GPHN: variants seen among roughly 807,000 people sequenced by gnomAD.
GPHN encodes gephyrin.
Under a neutral mutation model 95.5 loss-of-function variants are expected in GPHN, and 17 were observed. The ratio of observed to expected loss-of-function variants is 0.18; its 90% CI spans 0.12 to 0.27. GPHN has a LOEUF of 0.27. GPHN is among the 10% of genes least tolerant of loss of function. The pLI is 1.00. For missense variants in GPHN, 660 were observed against 978.1 expected (o/e 0.67, Z 4.34); for synonymous variants, 320 against 322.5 (o/e 0.99, Z 0.08).
the GPHN span, among the ~76,000 whole-genome samples, chr14:67,543,085 CTTAAAA>C: frequency 2.6e-5 from 4 of 152,202 alleles, no homozygotes; most frequent in East Asian, 3.8e-4. Context: ...AAGACCTGCA[CTTAAAA>C]TTAAGTGAAT....
the GPHN span, among the ~76,000 whole-genome samples, chr14:67,612,153 GC>G: frequency 6.6e-6 from 1 of 152,168 alleles, no homozygotes. Flanking sequence ...TCGCTTGCTT[GC>G]CCACCTGCTA....
At chr14:67,106,655 G>T (rs752177250) in intron 13 of GPHN, among the ~76,000 whole-genome samples, 1 of 151,894 alleles carries the variant, frequency 6.6e-6, no homozygotes, top group African/African-American at 2.4e-5. Context: ...TTTCTGTTTG[G>T]TTCTTTTTTA....
At chr14:67,425,129 G>A in the GPHN span, among the ~76,000 whole-genome samples, 1 of 152,098 alleles carries the variant, frequency 6.6e-6, no homozygotes, top group East Asian at 1.9e-4. Flanking sequence ...CTGTTGCCCA[G>A]GCTGGAATGC....
At chr14:66,581,700 T>G (rs1383701423) in intron 1 of GPHN, among the ~76,000 whole-genome samples, 7 of 151,862 alleles carry the variant, frequency 4.6e-5, no homozygotes, top group Admixed American at 2.0e-4. Context: ...AGGATAGAAG[T>G]AGATAATCCA....
the GPHN span, among the ~76,000 whole-genome samples, chr14:67,460,756 T>C: frequency 6.6e-6 from 1 of 152,162 alleles, no homozygotes; most frequent in Non-Finnish European, 1.5e-5. Context: ...AGGATATTCA[T>C]AGATTTCTGT....
the GPHN span, chr14:67,705,977 A>G: frequency 1.3e-5 from 2 of 152,236 alleles, no homozygotes; most frequent in Admixed American, 6.5e-5. Context: ...GCATGTGCCT[A>G]TAGTTCCAGT....
At chr14:67,582,273 G>T in the GPHN span, 1 of 1,610,112 alleles carries the variant, frequency 6.2e-7, no homozygotes, top group African/African-American at 1.3e-5. The surrounding 1 kb of genome is among the most constrained non-coding windows in gnomAD (Gnocchi z 5.0). Context: ...GCACCATGCA[G>T]CCTGAAACAC....
chr14:67,198,675 G>A, the GPHN span, among the ~76,000 whole-genome samples: 1 of 152,164 alleles, frequency 6.6e-6, no homozygotes, highest in Non-Finnish European at 1.5e-5. Flanking sequence ...GAACATCTAT[G>A]ACTAGGGATT....
intron 3 of GPHN, among the ~76,000 whole-genome samples, chr14:66,787,574 A>G (rs2059820975): frequency 6.6e-6 from 1 of 152,220 alleles, no homozygotes; most frequent in African/African-American, 2.4e-5. Flanking sequence ...ACCCAATGAA[A>G]GTTTCATTCT....
intron 2 of GPHN, among the ~76,000 whole-genome samples, chr14:66,770,760 A>G (rs1022946626): frequency 6.6e-6 from 1 of 152,216 alleles, no homozygotes; most frequent in Non-Finnish European, 1.5e-5. Context: ...ATCCAAAAAT[A>G]TTAATATTGA....
the GPHN span, chr14:67,649,870 G>C: frequency 6.6e-6 from 1 of 152,108 alleles, no homozygotes; most frequent in African/African-American, 2.4e-5. Flanking sequence ...CCTTCATCCA[G>C]AATAACCAAC....
chr14:67,696,495 T>C, the GPHN span, among the ~76,000 whole-genome samples: 1 of 152,206 alleles, frequency 6.6e-6, no homozygotes, highest in African/African-American at 2.4e-5. Flanking sequence ...CTTTATTGTG[T>C]CTATCTTGAA....
intron 2 of GPHN, among the ~76,000 whole-genome samples, chr14:66,683,793 C>T (rs962575246): frequency 6.6e-5 from 10 of 151,510 alleles, no homozygotes; most frequent in East Asian, 2.0e-4. Flanking sequence ...CTGGCTAACA[C>T]GGTGAAACCC....
intron 1 of GPHN, among the ~76,000 whole-genome samples, chr14:66,563,928 CA>C (rs2060362521): frequency 2.0e-5 from 3 of 152,178 alleles, no homozygotes; most frequent in Admixed American, 6.5e-5. Context: ...TAGACCATAG[CA>C]AGTTTTTGTC....
intron 2 of GPHN, among the ~76,000 whole-genome samples, chr14:66,689,133 G>A (rs1460666932): frequency 6.6e-6 from 1 of 152,132 alleles, no homozygotes; most frequent in Non-Finnish European, 1.5e-5. Context: ...TAGAGGAAAA[G>A]CTTTTAACTT....
chr14:67,395,504 G>A, the GPHN span: 1 of 1,613,998 alleles, frequency 6.2e-7, no homozygotes, highest in Non-Finnish European at 8.5e-7. Flanking sequence ...GATCTCAAAG[G>A]CCCAGGCATC....
intron 5 of GPHN, among the ~76,000 whole-genome samples, chr14:66,889,090 T>TA (rs1477367750): frequency 6.6e-6 from 1 of 152,016 alleles, no homozygotes; most frequent in African/African-American, 2.4e-5. Flanking sequence ...ACTGTCAAAA[T>TA]AGATGAAGCA....
chr14:67,213,412 G>A, the GPHN span, among the ~76,000 whole-genome samples: 1 of 143,736 alleles, frequency 7.0e-6, no homozygotes, highest in Non-Finnish European at 1.5e-5. Context: ...AGAATATGCG[G>A]TGTTTGGTTT....
At chr14:66,840,672 C>T (rs1038494181) in intron 4 of GPHN, among the ~76,000 whole-genome samples, 1 of 139,600 alleles carries the variant, frequency 7.2e-6, no homozygotes, top group African/African-American at 2.7e-5. Context: ...AAATATTATT[C>T]TTCTTTTGAT....
Sources: gnomAD v4.1 joint callset for allele counts (sites outside exome capture counted in the v4.1 genomes callset) on GRCh38, gnomAD v4.1.1 for gene constraint, Gnocchi (gnomAD v3.1) non-coding constraint, MANE v1.5 for transcripts, NCBI Gene and HGNC (gene_info 2026-07-23, HGNC 2026-07-21) for gene names.